Variants in GIT2 observed in about 807,000 individuals in gnomAD.
The protein encoded by GIT2 is GIT ArfGAP 2, also known as ARF GTPase-activating protein GIT2.
Under a neutral mutation model 100.3 loss-of-function variants are expected in GIT2, and 32 were observed. The ratio of observed to expected loss-of-function variants is 0.32; its 90% CI spans 0.24 to 0.43. The LOEUF is 0.43. GIT2 is among the 20% of genes least tolerant of loss of function. GIT2 has a pLI of 1.00. For synonymous variants in GIT2, 353 were observed against 364.1 expected (o/e 0.97, Z 0.35); for missense variants, 737 against 975.1 (o/e 0.76, Z 3.25).
chr12:109,983,409 T>C lies in GIT2; in HGVS notation c.587A>G (p.Gln196Arg), dbSNP rs746551713. The change falls in exon 6 of 20, where the codon CAG becomes CGG. Residue 196 changes from glutamine (Q) to arginine (R), a missense_variant. Coordinates refer to ENST00000355312, the MANE Select transcript of GIT2 (RefSeq NM_057169.5). Reference sequence around the variant, plus strand: ...AACGGGAGTTTTCCCACTAGAATCCTGTGTGCCTGGGTCTGCTCCATATAC... The same window carrying C: ...AACGGGAGTTTTCCCACTAGAATCCCGTGTGCCTGGGTCTGCTCCATATAC... The part of the protein sequence containing the change: ...LAVYGADPGT[Q>R]DSSGKTPVDY... 6.2e-6 allele frequency: 10 copies of C among 1,613,816 alleles called. No homozygotes were observed. The East Asian group carries it at 2.0e-4, about 32-fold the overall frequency.
At chr12:109,950,969 C>T in intron 14 of GIT2, 198 bp downstream of exon 14, 2 of 612,014 alleles carry the variant, frequency 3.3e-6, no homozygotes, top group Non-Finnish European at 5.9e-6. Context: ...TTTCTCCTAC[C>T]TGGGGAACTT....
chr12:109,990,299 T>C (rs1888135439), intron 2 of GIT2, among the ~76,000 whole-genome samples: 1 of 152,206 alleles, frequency 6.6e-6, no homozygotes, highest in African/African-American at 2.4e-5. Flanking sequence ...GGTTCCACAT[T>C]TGGGGAATTG....
chr12:109,952,962 C>T, intron 13 of GIT2, 130 bp downstream of exon 13: 1 of 813,790 alleles, frequency 1.2e-6, no homozygotes. Context: ...ATTTTAAAAC[C>T]ATTTAACCTT....
chr12:109,930,940 C>G lies in GIT2; in HGVS notation c.*2038G>C, dbSNP rs771563091. ...GGGAGGCCCCCTTCTAGAAGGCATCCCGGGAGCATCCAACAGCAATGTGGC... is the reference window on the plus strand; with the variant it reads ...GGGAGGCCCCCTTCTAGAAGGCATCGCGGGAGCATCCAACAGCAATGTGGC... On this transcript the variant is annotated 3_prime_UTR_variant, in exon 20 of 20. Transcript: ENST00000355312. 6.6e-6 allele frequency: 1 copy of G among 152,180 alleles called. No homozygotes were observed. The highest frequency in any genetic ancestry group is 1.5e-5 in the Non-Finnish European group (1 of 68,054). The allele number at this position is 152,180 out of a possible 1,614,324, so 9.4% of individuals were successfully genotyped here. A position where few individuals can be genotyped will look rare whatever the true frequency, so the allele number is the denominator to read the frequency against.
chr12:109,932,101 T>A lies in GIT2; in HGVS notation c.*877A>T, dbSNP rs543815711. On this transcript the variant is annotated 3_prime_UTR_variant, in exon 20 of 20. Coordinates refer to ENST00000355312, the MANE Select transcript of GIT2 (RefSeq NM_057169.5). ...AGTAGGTGATTTCTTTTCCCTATAG[T>A]TCATGGTAGTGATACCTAAATGGGT... The A allele has an allele frequency of 1.3e-5, 2 of 152,360 alleles. No homozygotes were observed. Among genetic ancestry groups the A allele is most frequent in the Admixed American group, 6.5e-5 (1 of 15,302 alleles). The allele number at this position is 152,360 out of a possible 1,614,324, so 9.4% of individuals were successfully genotyped here.
intron 4 of GIT2, 42 bp downstream of exon 4, chr12:109,988,921 T>C: frequency 9.2e-7 from 1 of 1,089,782 alleles, no homozygotes; most frequent in Non-Finnish European, 1.4e-6. Flanking sequence ...CAATATGCTG[T>C]CTCAGCCCGC....
chr12:109,993,295 G>A (rs549890006), intron 1 of GIT2, among the ~76,000 whole-genome samples: 47 of 152,238 alleles, frequency 3.1e-4, no homozygotes, highest in African/African-American at 9.6e-4. Flanking sequence ...AAGCTGCCTG[G>A]TCAAAGGGTT....
chr12:109,939,287 G>T, intron 16 of GIT2, 40 bp from the exon 17 acceptor site: 1 of 1,138,766 alleles, frequency 8.8e-7, no homozygotes, highest in South Asian at 1.2e-5. Flanking sequence ...TTTGTAACAT[G>T]AGACTCTTCT....
At position 109,933,133 on chromosome 12, in the gene GIT2, G is replaced by C. The variant is rs1359925632; in HGVS notation, c.2125C>G (p.Arg709Gly). 6.2e-7 allele frequency: 1 copy of C among 1,604,606 alleles called. No individual in the cohort carries two copies. Among genetic ancestry groups the C allele is most frequent in the African/African-American group, 1.3e-5 (1 of 74,840 alleles). Residue 709 changes from arginine to glycine, a missense_variant, in exon 20 of 20, where the codon CGA (arginine) becomes GGA (glycine). Arg to Gly is a moderately radical substitution (Grantham distance 125, BLOSUM62 -2). Coordinates refer to ENST00000355312, the MANE Select transcript of GIT2 (RefSeq NM_057169.5). This position sits in a 1 kb window ranked among gnomAD's most constrained non-coding sequence, Gnocchi z 4.5. ...SLRLLTSSAY[R>G]LQSECKKTLP... ...GTCTTCTTGCACTCTGACTGCAGTC[G>C]GTAGGCACTGGACGTCAGTAAACGA... is the stretch of plus-strand genomic sequence containing the variant.
chr12:109,953,423 T>C (rs1289539430), intron 12 of GIT2, 189 bp from the exon 13 acceptor site: 3 of 578,840 alleles, frequency 5.2e-6, no homozygotes, highest in Non-Finnish European at 6.2e-6. Flanking sequence ...GTTTGAGACC[T>C]ACCTAGGCAA....
chr12:109,952,081 C>T (rs548765307), intron 13 of GIT2, among the ~76,000 whole-genome samples: 4 of 152,260 alleles, frequency 2.6e-5, no homozygotes, highest in East Asian at 3.9e-4. Context: ...GGGAAGTCTG[C>T]GCAGGGGTGT....
chr12:109,952,811 C>A lies in GIT2; in HGVS notation c.1242+281G>T, dbSNP rs974896443. 42 of 500,788 alleles carry A rather than the reference C, an allele frequency of 8.4e-5. No individual in the cohort carries two copies. In the South Asian group the frequency reaches 8.5e-4, roughly 10 times the overall value. 31.0% of individuals were successfully genotyped at this position (500,788 alleles called of 1,614,324 possible). A position where few individuals can be genotyped will look rare whatever the true frequency, so the allele number is the denominator to read the frequency against. On this transcript the variant is annotated intron_variant, in intron 13 of 19. Transcript: ENST00000355312. ...CAATGAGAGCCTCACAGGAAAGGGA[C>A]GAGGCCTCATTCAGGAGAGTAATAT...
intron 16 of GIT2, among the ~76,000 whole-genome samples, chr12:109,941,548 G>A (rs1874696917): frequency 6.7e-6 from 1 of 149,344 alleles, no homozygotes; most frequent in Admixed American, 6.7e-5. Flanking sequence ...TTTTGAGATT[G>A]AGTTTCACTC....
At chr12:109,940,621 C>G (rs909446831) in intron 16 of GIT2, 1 of 152,054 alleles carries the variant, frequency 6.6e-6, no homozygotes, top group Non-Finnish European at 1.5e-5. Context: ...GGCTCACACC[C>G]ATAATCCCAG....
intron 1 of GIT2, among the ~76,000 whole-genome samples, chr12:109,992,509 C>T (rs533543540): frequency 6.6e-6 from 1 of 152,230 alleles, no homozygotes; most frequent in South Asian, 2.1e-4. Context: ...ATGTTGTAGA[C>T]TGCTGTCCTA....
chr12:109,989,025 C>T lies in GIT2; in HGVS notation c.343G>A (p.Ala115Thr). ...CGGCAGGGCAAGCGATGGACGAACG[C>T]TAACATCTGATACTTGGCTCTGATG... ...EFIRAKYQML[A>T]FVHRLPCRDD... The change falls in exon 4 of 20, where the codon GCG (alanine) becomes ACG (threonine). Residue 115 changes from alanine (A) to threonine (T), a missense_variant. This residue lies in a region of GIT2 where 266 missense variants were observed against 376.2 expected (regional missense o/e 0.71). Coordinates refer to ENST00000355312, the MANE Select transcript of GIT2 (RefSeq NM_057169.5). 1 of 1,613,338 alleles carries T rather than the reference C, an allele frequency of 6.2e-7. No individual in the cohort carries two copies. Among genetic ancestry groups the T allele is most frequent in the Non-Finnish European group, 8.5e-7 (1 of 1,179,350 alleles).
Position 109,996,284 on chromosome 12 carries a change from C to T in GIT2, c.-60G>A. 6 of 1,242,450 alleles carry T rather than the reference C, an allele frequency of 4.8e-6. No individual in the cohort carries two copies. Among genetic ancestry groups the T allele is most frequent in the South Asian group, 1.3e-5 (1 of 74,162 alleles). 77.0% of individuals were successfully genotyped at this position (1,242,450 alleles called of 1,614,324 possible). The stretch of plus-strand genomic sequence containing the variant: ...CGGGGGACAGCAAAGGCGGCGGTGG[C>T]GGCGGCGCTTCCGCTCTAACGGGTC... On this transcript the variant is annotated 5_prime_UTR_variant, in exon 1 of 20. Transcript: ENST00000355312.
At chr12:109,973,449 AT>A (rs1031759161) in intron 7 of GIT2, among the ~76,000 whole-genome samples, 4 of 150,568 alleles carry the variant, frequency 2.7e-5, no homozygotes, top group Admixed American at 6.6e-5. Flanking sequence ...TCTGCTTTGT[AT>A]TTTTTTTTAA....
Position 109,939,238 on chromosome 12 carries a change from G to A in GIT2, c.1741C>T (p.Leu581=), listed in dbSNP as rs1464542692. ...RDESARRASR[L]EKQNSTPESD... The stretch of plus-strand genomic sequence containing the variant: ...TCAGGTGTGCTGTTCTGCTTCTCCA[G>A]CCTGGATGCCTACAAGAAAGAAGAG... The change falls in exon 17 of 20, where the codon CTG becomes TTG. Residue 581 remains leucine, a synonymous_variant. Transcript: ENST00000355312. 4.4e-6 allele frequency: 7 copies of A among 1,595,516 alleles called. No individual in the cohort carries two copies. Among genetic ancestry groups the A allele is most frequent in the Non-Finnish European group, 6.0e-6 (7 of 1,163,422 alleles).
Sources: gnomAD v4.1 joint callset for allele counts (sites outside exome capture counted in the v4.1 genomes callset) on GRCh38, gnomAD v4.1.1 for gene constraint, gnomAD v4.1.1 regional missense constraint, Gnocchi (gnomAD v3.1) non-coding constraint, MANE v1.5 for transcripts, NCBI Gene and HGNC (gene_info 2026-07-23, HGNC 2026-07-21) for gene names.